REC114: variants seen among roughly 807,000 people sequenced by gnomAD.
The protein encoded by REC114 is REC114 meiotic recombination protein.
Under a neutral mutation model 31.3 loss-of-function variants are expected in REC114, and 27 were observed. The observed-to-expected ratio is 0.86, with a 90% confidence interval of 0.64 to 1.19. The LOEUF (loss-of-function observed/expected upper bound fraction) is 1.19. REC114 is among the 50% of genes most tolerant of loss of function. The pLI is 0.00. For synonymous variants in REC114, 134 were observed against 127.7 expected, an observed-to-expected ratio of 1.05 and a Z score of -0.33; for missense variants, 344 against 326.9, an observed-to-expected ratio of 1.05 and a Z score of -0.40.
chr15:73,508,866 C>T (rs1410440085), intron 2 of REC114, among the ~76,000 whole-genome samples: 1 of 151,484 alleles, frequency 6.6e-6, no homozygotes, highest in Non-Finnish European at 1.5e-5. Flanking sequence ...TGGGTTGGTT[C>T]CAAGTCTTTG....
Position 73,488,375 on chromosome 15 carries a change from C to A in REC114, c.249+14454C>A, listed in dbSNP as rs543887193. On this transcript the variant is annotated intron_variant, in intron 2 of 5. Transcript: ENST00000331090. Reference sequence around the variant, plus strand: ...ACACTCTTTTATATTCTTTACATGGCCAGGCTGAGAATTTTCCAAATCTTT... The same window carrying A: ...ACACTCTTTTATATTCTTTACATGGACAGGCTGAGAATTTTCCAAATCTTT... Among the ~76,000 whole-genome samples the A allele has an allele frequency of 3.3e-5, 5 of 152,268 alleles. No individual in the cohort carries two copies. The East Asian group carries it at 9.7e-4, about 29-fold the overall frequency.
At chr15:73,549,897 G>C (rs1894364333) in intron 3 of REC114, among the ~76,000 whole-genome samples, 1 of 152,060 alleles carries the variant, frequency 6.6e-6, no homozygotes, top group African/African-American at 2.4e-5. Context: ...TTACTTGATG[G>C]GTTTATTTAA....
intron 1 of REC114, among the ~76,000 whole-genome samples, chr15:73,449,009 C>T (rs549532743): frequency 3.2e-4 from 49 of 152,156 alleles, no homozygotes; most frequent in African/African-American, 9.6e-4. Context: ...CATCAAAGAC[C>T]GAAGATAGAT....
chr15:73,513,972 C>G (rs1893817774), intron 2 of REC114, among the ~76,000 whole-genome samples: 1 of 152,132 alleles, frequency 6.6e-6, no homozygotes, highest in African/African-American at 2.4e-5. Context: ...GTGGGCTCCA[C>G]CCAGTTCGAG....
At chr15:73,468,945 A>G (rs1893098172) in intron 1 of REC114, among the ~76,000 whole-genome samples, 1 of 151,728 alleles carries the variant, frequency 6.6e-6, no homozygotes, top group Admixed American at 6.6e-5. Context: ...TTTTTCAGAG[A>G]CCTGTTTTTG....
At chr15:73,465,739 T>C (rs980000217) in intron 1 of REC114, among the ~76,000 whole-genome samples, 5 of 152,254 alleles carry the variant, frequency 3.3e-5, no homozygotes, top group Admixed American at 6.5e-5. Context: ...ACATTCTCTC[T>C]TACTGAGTTT....
intron 3 of REC114, among the ~76,000 whole-genome samples, chr15:73,547,806 C>T (rs1236370198): frequency 1.3e-5 from 2 of 152,174 alleles, no homozygotes; most frequent in East Asian, 3.9e-4. Context: ...AATGTAAAAC[C>T]AAACGCTATA....
chr15:73,486,263 A>G (rs1893362810), intron 2 of REC114, among the ~76,000 whole-genome samples: 1 of 151,996 alleles, frequency 6.6e-6, no homozygotes, highest in Admixed American at 6.6e-5. Context: ...ATGCCCAGCT[A>G]ATTTTTGTAT....
intron 2 of REC114, among the ~76,000 whole-genome samples, chr15:73,536,216 C>G (rs1894155216): frequency 6.6e-6 from 1 of 152,212 alleles, no homozygotes. Flanking sequence ...TCTTTCCTGT[C>G]CCACCCAGTA....
intron 2 of REC114, among the ~76,000 whole-genome samples, chr15:73,484,153 C>G (rs1215220759): frequency 1.4e-4 from 21 of 151,980 alleles, no homozygotes; most frequent in Admixed American, 1.4e-3. Flanking sequence ...GTGAATGTAG[C>G]TTTTAAAACA....
intron 2 of REC114, among the ~76,000 whole-genome samples, chr15:73,532,673 GA>G (rs1287953184): frequency 6.6e-6 from 1 of 152,072 alleles, no homozygotes; most frequent in Non-Finnish European, 1.5e-5. Context: ...TCAGATTCAG[GA>G]AATACAGAGA....
intron 2 of REC114, among the ~76,000 whole-genome samples, chr15:73,477,093 T>G (rs1185352325): frequency 6.6e-6 from 1 of 152,214 alleles, no homozygotes; most frequent in Admixed American, 6.5e-5. Flanking sequence ...TGGTTTTAAT[T>G]TGCATTTCTT....
intron 2 of REC114, among the ~76,000 whole-genome samples, chr15:73,491,807 G>C (rs1429473384): frequency 6.6e-6 from 1 of 152,132 alleles, no homozygotes; most frequent in Non-Finnish European, 1.5e-5. Context: ...GGCTGAGGCA[G>C]GAGAATCGCT....
At chr15:73,451,941 T>C (rs2151251278) in intron 1 of REC114, among the ~76,000 whole-genome samples, 1 of 152,324 alleles carries the variant, frequency 6.6e-6, no homozygotes, top group Non-Finnish European at 1.5e-5. Flanking sequence ...CAGCACTTCA[T>C]GCTAAAAACT....
intron 2 of REC114, among the ~76,000 whole-genome samples, chr15:73,509,382 T>G (rs1893730441): frequency 1.3e-5 from 2 of 150,504 alleles, no homozygotes; most frequent in Non-Finnish European, 2.9e-5. Context: ...TTTCTCCCAT[T>G]TTGTAGGTTG....
chr15:73,542,730 T>C (rs1894257079), intron 3 of REC114, among the ~76,000 whole-genome samples: 1 of 152,212 alleles, frequency 6.6e-6, no homozygotes. Context: ...AAATGGGGAT[T>C]GTAGTACTTT....
intron 2 of REC114, among the ~76,000 whole-genome samples, chr15:73,518,746 G>T (rs1893896833): frequency 6.6e-6 from 1 of 152,178 alleles, no homozygotes. Context: ...GCGGTAAAAA[G>T]AAGCCTTTGG....
At position 73,500,592 on chromosome 15, in the gene REC114, T is replaced by A. The variant is rs551793431; in HGVS notation, c.249+26671T>A. ...AAATGTTCTATGTTGATCTGGATGG[T>A]GGTTAAATATATGTGTGTATAAAAT... On this transcript the variant is annotated intron_variant, in intron 2 of 5. Transcript: ENST00000331090. 4.6e-5 allele frequency among the ~76,000 whole-genome samples: 7 copies of A among 152,236 alleles called. No individual in the cohort carries two copies. In the East Asian group the frequency reaches 1.4e-3, roughly 29 times the overall value.
At chr15:73,446,217 G>T (rs1351584238) in intron 1 of REC114, among the ~76,000 whole-genome samples, 1 of 152,164 alleles carries the variant, frequency 6.6e-6, no homozygotes, top group Non-Finnish European at 1.5e-5. Flanking sequence ...CTTTTGTCTG[G>T]TTTGACTATT....
Sources: allele counts gnomAD v4.1 joint callset (sites outside exome capture counted in the v4.1 genomes callset), GRCh38; gene constraint gnomAD v4.1.1; transcripts MANE v1.5; gene names NCBI Gene and HGNC (gene_info 2026-07-23, HGNC 2026-07-21).